Variants in PHF8 observed in about 807,000 individuals in gnomAD.
The protein encoded by PHF8 is PHD finger protein 8, also known as histone lysine demethylase PHF8.
PHF8 carries 9 observed loss-of-function variants against 74.4 expected under a neutral mutation model. The ratio of observed to expected loss-of-function variants is 0.12; its 90% confidence interval spans 0.07 to 0.21. PHF8 has a LOEUF of 0.21. PHF8 is among the 10% of genes least tolerant of loss of function. PHF8 has a pLI of 1.00. For synonymous variants in PHF8, 311 were observed against 316.6 expected, an observed-to-expected ratio of 0.98 and a Z score of 0.19; for missense variants, 478 against 816.6, an observed-to-expected ratio of 0.59 and a Z score of 5.05.
intron 2 of PHF8, among the ~76,000 whole-genome samples, chrX:54,024,476 T>C (rs781816660): frequency 6.3e-5 from 7 of 111,915 alleles, no homozygotes; most frequent in South Asian, 7.5e-4. Context: ...CACCTCTCTC[T>C]CCCCTAAACT....
chrX:53,939,279 T>C (rs2064713137), intron 21 of PHF8, 33 bp from the exon 22 acceptor site: 1 of 1,126,944 alleles, frequency 8.9e-7, no homozygotes, highest in Non-Finnish European at 1.2e-6. Flanking sequence ...GCAAGGGCTT[T>C]GGCAAGGGCT....
chrX:53,975,370 G>A (rs1477171132), intron 18 of PHF8, among the ~76,000 whole-genome samples: 12 of 112,026 alleles, frequency 1.1e-4, no homozygotes, highest in African/African-American at 3.6e-4. Flanking sequence ...TGACTGCTGG[G>A]CATATCCAAA....
In PHF8 at chrX:54,018,850, C is replaced by A. The variant is rs186184628; in HGVS notation, c.294-1029G>T. On this transcript the variant is annotated intron_variant, in intron 4 of 21. Transcript: ENST00000338154. Reference sequence around the variant, plus strand: ...GGTCAGGCTGGTCTTGAACTCCCGACCTCAGGTGATCTGCCCGCCTCAGCC... The same window carrying A: ...GGTCAGGCTGGTCTTGAACTCCCGAACTCAGGTGATCTGCCCGCCTCAGCC... 7.3e-3 allele frequency among the ~76,000 whole-genome samples: 814 copies of A among 110,758 alleles called. 7 individuals are homozygous for A. The highest frequency in any genetic ancestry group is 0.026 in the African/African-American group (789 of 30,529).
intron 18 of PHF8, among the ~76,000 whole-genome samples, chrX:53,982,055 G>T (rs2065486929): frequency 8.9e-6 from 1 of 112,406 alleles, no homozygotes; most frequent in African/African-American, 3.2e-5. Flanking sequence ...TTCCATGGTT[G>T]CTGGGCAAAG....
chrX:53,995,628 T>C, intron 12 of PHF8, 65 bp downstream of exon 12: 2 of 711,355 alleles, frequency 2.8e-6, no homozygotes, highest in South Asian at 4.4e-5. Flanking sequence ...TGCAGAGGCC[T>C]AACCTGCCAC....
chrX:53,947,941 C>T (rs1207662207), intron 19 of PHF8, among the ~76,000 whole-genome samples: 1 of 111,902 alleles, frequency 8.9e-6, no homozygotes, highest in Non-Finnish European at 1.9e-5. Flanking sequence ...CTTCAGATGA[C>T]TCAAACTCTT....
chrX:53,988,636 TTC>T (rs1308924646), intron 14 of PHF8, among the ~76,000 whole-genome samples: 1 of 107,192 alleles, frequency 9.3e-6, no homozygotes, highest in Non-Finnish European at 1.9e-5. Flanking sequence ...TTTTTTTTTT[TTC>T]TGAGACAGAG....
chrX:54,008,526 T>C (rs1157967708), intron 8 of PHF8, among the ~76,000 whole-genome samples: 1 of 108,706 alleles, frequency 9.2e-6, no homozygotes, highest in Non-Finnish European at 1.9e-5. Context: ...CCATCTCTAC[T>C]AAAAATACAA....
intron 19 of PHF8, among the ~76,000 whole-genome samples, chrX:53,960,898 T>C (rs139258095): frequency 0.021 from 2,317 of 111,418 alleles, 25 homozygotes; most frequent in Non-Finnish European, 0.031. Flanking sequence ...TGGTTCCTTC[T>C]TCATAATTCC....
In PHF8 at chrX:53,937,798, G is replaced by A; in HGVS notation, c.*1360C>T. On this transcript the variant is annotated 3_prime_UTR_variant, in exon 22 of 22. Coordinates refer to ENST00000338154, the MANE Select transcript of PHF8 (RefSeq NM_015107.3). Reference sequence around the variant, plus strand: ...GGTGAGGTTGGAGTGGGTGGTACAGGTGGAAAGGGCAAGGGTACACTCCAC... The same window carrying A: ...GGTGAGGTTGGAGTGGGTGGTACAGATGGAAAGGGCAAGGGTACACTCCAC... 5 of 426,375 alleles carry A rather than the reference G, an allele frequency of 1.2e-5. No individual in the cohort carries two copies. Among genetic ancestry groups the A allele is most frequent in the Non-Finnish European group, 1.6e-5 (4 of 245,076 alleles). The allele number at this position is 426,375 out of a possible 1,213,427, so 35.1% of individuals were successfully genotyped here. A position where few individuals can be genotyped will look rare whatever the true frequency, so the allele number is the denominator to read the frequency against.
chrX:53,963,131 C>T (rs782370417), intron 18 of PHF8, among the ~76,000 whole-genome samples, 192 bp from the exon 19 acceptor site: 1 of 112,096 alleles, frequency 8.9e-6, no homozygotes, highest in South Asian at 3.7e-4. Context: ...AGCAAATGTC[C>T]TTCTCCTAGA....
At chrX:53,959,359 T>C (rs953254606) in intron 19 of PHF8, among the ~76,000 whole-genome samples, 1 of 111,908 alleles carries the variant, frequency 8.9e-6, no homozygotes, top group Non-Finnish European at 1.9e-5. Context: ...GCCCTTCTAC[T>C]TTGCATCCTT....
At chrX:53,954,022 T>C (rs1557087870) in intron 19 of PHF8, among the ~76,000 whole-genome samples, 2 of 111,657 alleles carry the variant, frequency 1.8e-5, no homozygotes, top group Non-Finnish European at 3.8e-5. Flanking sequence ...CATTTTATAA[T>C]GATAAAAAGG....
intron 18 of PHF8, among the ~76,000 whole-genome samples, chrX:53,975,119 A>C (rs781802846): frequency 2.7e-5 from 3 of 112,277 alleles, no homozygotes; most frequent in Non-Finnish European, 5.6e-5. Context: ...ATCACTCATC[A>C]TCAGGGAAAT....
chrX:53,966,303 T>C (rs1345452188), intron 18 of PHF8, among the ~76,000 whole-genome samples: 2 of 111,813 alleles, frequency 1.8e-5, no homozygotes, highest in South Asian at 3.7e-4. Flanking sequence ...ACTGTACTGC[T>C]GCCATCTCGG....
At chrX:53,967,305 G>A (rs1557093173) in intron 18 of PHF8, among the ~76,000 whole-genome samples, 1 of 100,653 alleles carries the variant, frequency 9.9e-6, no homozygotes, top group Admixed American at 1.0e-4. Context: ...CGCCCCGTCC[G>A]GGAGGGAGGT....
chrX:53,990,961 TGTATTAA>T (rs1447981770), intron 14 of PHF8, among the ~76,000 whole-genome samples: 1 of 112,035 alleles, frequency 8.9e-6, no homozygotes, highest in Non-Finnish European at 1.9e-5. Flanking sequence ...AGAACTACCA[TGTATTAA>T]GTATTAATTA....
chrX:54,045,129 T>G (rs2066622746), upstream of PHF8: 1 of 362,742 alleles, frequency 2.8e-6, no homozygotes, highest in Admixed American at 4.9e-5. Context: ...CCCTCTGAAC[T>G]CTTCTTTGAC....
chrX:53,948,995 C>T (rs1557086072), intron 19 of PHF8, among the ~76,000 whole-genome samples: 1 of 108,113 alleles, frequency 9.2e-6, no homozygotes, highest in African/African-American at 3.4e-5. Flanking sequence ...ATTGCACTCC[C>T]GCCTGGACAA....
Sources: allele counts gnomAD v4.1 joint callset (sites outside exome capture counted in the v4.1 genomes callset), GRCh38; gene constraint gnomAD v4.1.1; transcripts MANE v1.5; gene names NCBI Gene and HGNC (gene_info 2026-07-23, HGNC 2026-07-21).